The following IQCJ variants were observed in gnomAD, a reference collection of about 807,000 sequenced individuals.
The protein encoded by IQCJ is IQ domain-containing protein J.
In IQCJ, 9 loss-of-function variants were observed where a neutral mutation model predicts 11.0. The observed-to-expected ratio is 0.82, with a 90% confidence interval of 0.49 to 1.43. The LOEUF (loss-of-function observed/expected upper bound fraction) is 1.43, where lower values mean the gene tolerates loss of function less well. Ranked by LOEUF, IQCJ falls within the 40% of genes most tolerant of loss-of-function variation. IQCJ has a pLI of 0.00. For missense variants in IQCJ, 146 were observed against 133.2 expected, an observed-to-expected ratio of 1.10 and a Z score of -0.47; for synonymous variants, 55 against 51.3, an observed-to-expected ratio of 1.07 and a Z score of -0.31.
intron 1 of IQCJ, among the ~76,000 whole-genome samples, chr3:159,090,315 C>T (rs1717165682): frequency 6.6e-6 from 1 of 151,806 alleles, no homozygotes; most frequent in Admixed American, 6.5e-5. Context: ...GCTGGGAGAA[C>T]CACTGCTCTC....
At chr3:159,119,015 G>T (rs201397091) in intron 1 of IQCJ, among the ~76,000 whole-genome samples, 1 of 143,618 alleles carries the variant, frequency 7.0e-6, no homozygotes, top group Non-Finnish European at 1.5e-5. Context: ...AGACTTGATG[G>T]CTATATTTAC....
intron 1 of IQCJ, among the ~76,000 whole-genome samples, chr3:159,170,603 C>T (rs1335265640): frequency 6.6e-6 from 1 of 151,800 alleles, no homozygotes; most frequent in Non-Finnish European, 1.5e-5. Flanking sequence ...TTCCTCCTGA[C>T]TCAGCCTATG....
At chr3:159,090,637 G>A (rs1717204034) in intron 1 of IQCJ, among the ~76,000 whole-genome samples, 2 of 151,816 alleles carry the variant, frequency 1.3e-5, no homozygotes, top group South Asian at 4.1e-4. Flanking sequence ...AAGGTCAGCT[G>A]TGAGGAAGCT....
intron 1 of IQCJ, among the ~76,000 whole-genome samples, chr3:159,094,435 T>G (rs1470214163): frequency 1.4e-5 from 2 of 147,764 alleles, no homozygotes; most frequent in East Asian, 3.9e-4. Context: ...TTTTTTTTTT[T>G]TTTTTTTTTT....
intron 1 of IQCJ, among the ~76,000 whole-genome samples, chr3:159,115,296 C>G (rs1194798753): frequency 2.0e-5 from 3 of 152,212 alleles, no homozygotes; most frequent in African/African-American, 7.2e-5. Context: ...CCCCCACCCC[C>G]ATTAACACAT....
chr3:159,198,875 A>T (rs144904283), intron 1 of IQCJ, among the ~76,000 whole-genome samples: 15 of 152,330 alleles, frequency 9.8e-5, no homozygotes, highest in Admixed American at 4.6e-4. Flanking sequence ...AGTCTTGGAA[A>T]ATCTTTGCAG....
chr3:159,147,139 A>G (rs1720967039), intron 1 of IQCJ, among the ~76,000 whole-genome samples: 2 of 152,208 alleles, frequency 1.3e-5, no homozygotes, highest in Admixed American at 6.5e-5. Context: ...AATTTTTACT[A>G]AAGTCATGCT....
intron 1 of IQCJ, among the ~76,000 whole-genome samples, chr3:159,151,375 C>T (rs1457957703): frequency 6.6e-6 from 1 of 152,212 alleles, no homozygotes; most frequent in Non-Finnish European, 1.5e-5. Flanking sequence ...CTGTGTCTTC[C>T]AGTTTGGCTG....
At chr3:159,129,582 T>C (rs952010325) in intron 1 of IQCJ, among the ~76,000 whole-genome samples, 26 of 152,136 alleles carry the variant, frequency 1.7e-4, no homozygotes, top group Admixed American at 1.1e-3. Context: ...GTTGTAAAGT[T>C]CCCAGAAGAA....
chr3:159,225,740 T>C (rs1047633543), intron 1 of IQCJ, among the ~76,000 whole-genome samples: 8 of 151,780 alleles, frequency 5.3e-5, no homozygotes, highest in African/African-American at 1.9e-4. Context: ...CTGGGTGCAG[T>C]CAATTCAATT....
chr3:159,101,200 T>C (rs1008170249), intron 1 of IQCJ, among the ~76,000 whole-genome samples: 1 of 143,674 alleles, frequency 7.0e-6, no homozygotes, highest in Non-Finnish European at 1.5e-5. Context: ...GCTTCCCAGG[T>C]GAGGCAATGC....
At chr3:159,248,861 AT>A (rs111648681) in intron 2 of IQCJ, among the ~76,000 whole-genome samples, 22,901 of 145,650 alleles carry the variant, frequency 0.16, 1,891 homozygotes, top group Middle Eastern at 0.21. Flanking sequence ...TTCATTATTG[AT>A]TTTTTTTTTT....
chr3:159,088,081 C>G (rs564156933), intron 1 of IQCJ, among the ~76,000 whole-genome samples: 11 of 152,124 alleles, frequency 7.2e-5, no homozygotes, highest in Non-Finnish European at 1.3e-4. Flanking sequence ...CCTCTACACA[C>G]TGCTTTGAAT....
chr3:159,158,323 G>T (rs1050775794), intron 1 of IQCJ, among the ~76,000 whole-genome samples: 7 of 152,200 alleles, frequency 4.6e-5, no homozygotes, highest in Non-Finnish European at 8.8e-5. Context: ...TGGAAGCCCT[G>T]TAGGAGGCAG....
chr3:159,088,725 G>A (rs1455055846), intron 1 of IQCJ, among the ~76,000 whole-genome samples: 1 of 151,728 alleles, frequency 6.6e-6, no homozygotes, highest in Non-Finnish European at 1.5e-5. Context: ...TGTTTTATCA[G>A]AGACTAGGAT....
intron 1 of IQCJ, among the ~76,000 whole-genome samples, chr3:159,205,403 C>A (rs185166676): frequency 6.6e-6 from 1 of 152,152 alleles, no homozygotes; most frequent in African/African-American, 2.4e-5. Flanking sequence ...TACTGCCAAC[C>A]AGGAAACTGT....
intron 1 of IQCJ, among the ~76,000 whole-genome samples, chr3:159,166,462 A>C (rs924034104): frequency 2.0e-5 from 3 of 152,192 alleles, no homozygotes; most frequent in Non-Finnish European, 4.4e-5. Context: ...TTTGGAGTTA[A>C]AATTATGTTG....
At chr3:159,245,748 T>G in intron 1 of IQCJ, 95 bp from the exon 2 acceptor site, 1 of 1,062,424 alleles carries the variant, frequency 9.4e-7, no homozygotes, top group Non-Finnish European at 1.4e-6. Context: ...CTCTTAATGT[T>G]GTGTTGTATC....
At chr3:159,085,038 G>A (rs1225856264) in intron 1 of IQCJ, among the ~76,000 whole-genome samples, 1 of 151,798 alleles carries the variant, frequency 6.6e-6, no homozygotes, top group Non-Finnish European at 1.5e-5. Flanking sequence ...TCTAGCATTA[G>A]GTATATCTCC....
Sources: gnomAD v4.1 joint callset for allele counts (sites outside exome capture counted in the v4.1 genomes callset) on GRCh38, gnomAD v4.1.1 for gene constraint, MANE v1.5 for transcripts, NCBI Gene and HGNC (gene_info 2026-07-23, HGNC 2026-07-21) for gene names.